Variants in ZNF154 observed in about 807,000 individuals in gnomAD.
ZNF154 encodes zinc finger protein 154 (pHZ-92).
ZNF154 carries 6 observed loss-of-function variants against 7.5 expected under a neutral mutation model. That is an observed-to-expected ratio of 0.80 (90% CI 0.44 to 1.57). The LOEUF is 1.57. Among genes scored for constraint, ZNF154 ranks in the 40% most tolerant of loss-of-function variants. The pLI, the probability that ZNF154 is intolerant of heterozygous loss-of-function variation, is 0.01. For missense variants in ZNF154, 485 were observed against 531.4 expected, an observed-to-expected ratio of 0.91 and a Z score of 0.86; for synonymous variants, 187 against 185.9, an observed-to-expected ratio of 1.01 and a Z score of -0.05.
At chr19:57,706,540 CCA>C (rs1985401554) in intron 1 of ZNF154, among the ~76,000 whole-genome samples, 1 of 152,214 alleles carries the variant, frequency 6.6e-6, no homozygotes, top group South Asian at 2.1e-4. Flanking sequence ...CCTGGTGATT[CCA>C]CAGAGTGCTG....
chr19:57,705,753 C>CAAA (rs34250674), intron 1 of ZNF154, among the ~76,000 whole-genome samples: 2 of 86,368 alleles, frequency 2.3e-5, no homozygotes, highest in Non-Finnish European at 4.9e-5. Flanking sequence ...GACTCCGTCT[C>CAAA]AAAAAAAAAA....
At position 57,701,816 on chromosome 19, in the gene ZNF154, ACT is replaced by A. The variant is rs1483271568; in HGVS notation, c.1131_1132del (p.Arg377SerfsTer9). Reference sequence around the variant, plus strand: ...CTCATAGGGTCTTGATCCAGTGTGAACTCTCTGGTGTTTTCGGAGACTGGAGC... The same window carrying A: ...CTCATAGGGTCTTGATCCAGTGTGAACTCTGGTGTTTTCGGAGACTGGAGC... On this transcript the variant is annotated frameshift_variant, in exon 3 of 3. Coordinates refer to ENST00000684351, the MANE Select transcript of ZNF154 (RefSeq NM_001085384.3). LOFTEE classifies it low-confidence loss of function (END_TRUNC). 3 of 1,613,986 alleles carry A rather than the reference ACT, an allele frequency of 1.9e-6. No homozygotes were observed. Among genetic ancestry groups the A allele is most frequent in the South Asian group, 1.1e-5 (1 of 91,076 alleles).
intron 2 of ZNF154, among the ~76,000 whole-genome samples, chr19:57,703,457 C>G (rs527449684): frequency 7.7e-6 from 1 of 129,416 alleles, no homozygotes; most frequent in South Asian, 2.4e-4. Flanking sequence ...TGTACTCCAG[C>G]CTGGGTGACA....
At position 57,709,119 on chromosome 19, in the gene ZNF154, C is replaced by T. The variant is rs576093247; in HGVS notation, c.-148G>A. The T allele has an allele frequency of 2.9e-6, 3 of 1,043,116 alleles. No homozygotes were observed. The highest frequency in any genetic ancestry group is 3.1e-4 in the Middle Eastern group (1 of 3,190). The allele number at this position is 1,043,116 out of a possible 1,614,324, so 64.6% of individuals were successfully genotyped here. A position where few individuals can be genotyped will look rare whatever the true frequency, so the allele number is the denominator to read the frequency against. The stretch of plus-strand genomic sequence containing the variant: ...CTTTCGTGCAGGAGGGACGACGACT[C>T]CCCTCACGCCTTCGTGGCCCCAACT... On this transcript the variant is annotated 5_prime_UTR_variant, in exon 1 of 3. Transcript: ENST00000684351.
rs1165911888 is a variant in ZNF154 at position 57,696,726 on chromosome 19, C to T, written c.*4909G>A. Among the ~76,000 whole-genome samples, 1 of 152,166 alleles carries T rather than the reference C, an allele frequency of 6.6e-6. No individual in the cohort carries two copies. The highest frequency in any genetic ancestry group is 2.4e-5 in the African/African-American group (1 of 41,432). ...CAGTGTTGAGGCAGAGTGGCAAAGACAAGAGACCCACAGCACCCAGGAAAT... is the reference window on the plus strand; with the variant it reads ...CAGTGTTGAGGCAGAGTGGCAAAGATAAGAGACCCACAGCACCCAGGAAAT... On this transcript the variant is annotated 3_prime_UTR_variant, in exon 3 of 3. Transcript: ENST00000684351.
chr19:57,697,357 A>T lies in ZNF154; in HGVS notation c.*4278T>A, dbSNP rs1984939198. The T allele has an allele frequency of 6.6e-6, 1 of 152,232 alleles. No homozygotes were observed. The highest frequency in any genetic ancestry group is 2.4e-5 in the African/African-American group (1 of 41,466). 9.4% of individuals were successfully genotyped at this position (152,232 alleles called of 1,614,324 possible). A position where few individuals can be genotyped will look rare whatever the true frequency, so the allele number is the denominator to read the frequency against. ...GTTAAACAATGTTAGAGATTCAATA[A>T]GCCACATCTAGAATACAGCAAATTC... On this transcript the variant is annotated 3_prime_UTR_variant, in exon 3 of 3. Transcript: ENST00000684351.
chr19:57,702,858 A>G (rs1985236366), intron 2 of ZNF154, 70 bp from the exon 3 acceptor site: 2 of 1,470,638 alleles, frequency 1.4e-6, no homozygotes, highest in Admixed American at 2.0e-5. Flanking sequence ...TGTGTCCCCT[A>G]GGGCCCAGCC....
rs559983245 is a variant in ZNF154, at chr19:57,704,094, C to G, written c.160+759G>C. The stretch of plus-strand genomic sequence containing the variant: ...ACTGCAGGTGTAGCAGTGAGAAAAA[C>G]AGATAAGATACGGAGTCCAGAGATG... On this transcript the variant is annotated intron_variant, in intron 2 of 2. Coordinates refer to ENST00000684351, the MANE Select transcript of ZNF154 (RefSeq NM_001085384.3). Among the ~76,000 whole-genome samples, 21 of 152,250 alleles carry G rather than the reference C, an allele frequency of 1.4e-4. No individual in the cohort carries two copies. In the South Asian group the frequency reaches 3.5e-3, roughly 26 times the overall value.
chr19:57,708,799 T>G, intron 1 of ZNF154, 140 bp downstream of exon 1: 1 of 1,111,956 alleles, frequency 9.0e-7, no homozygotes, highest in Non-Finnish European at 1.3e-6. Flanking sequence ...TCACACGCAG[T>G]GTCAAAAAAA....
At position 57,700,281 on chromosome 19, in the gene ZNF154, A is replaced by G. The variant is rs931048585; in HGVS notation, c.*1354T>C. 2 of 152,240 alleles carry G rather than the reference A, an allele frequency of 1.3e-5. No individual in the cohort carries two copies. The highest frequency in any genetic ancestry group is 4.8e-5 in the African/African-American group (2 of 41,460). The allele number at this position is 152,240 out of a possible 1,614,324, so 9.4% of individuals were successfully genotyped here. ...TCTCTATCCTTGTTTTCCTGCCTGC[A>G]TAGCAATGACCTTGAGGTGAAAATC... is the stretch of plus-strand genomic sequence containing the variant. On this transcript the variant is annotated 3_prime_UTR_variant, in exon 3 of 3. Coordinates refer to ENST00000684351, the MANE Select transcript of ZNF154 (RefSeq NM_001085384.3).
chr19:57,708,946 G>C lies in ZNF154; in HGVS notation c.26C>G (p.Pro9Arg). MAAATLRT[P>R]TQGTVTFEDV... ...GGAAGACGCCGCACTCACCTGAGTT[G>C]GCGTCCTCAGAGTGGCCGCTGCCAT... is the stretch of plus-strand genomic sequence containing the variant. Residue 9 changes from proline (P) to arginine (R), a missense_variant, in exon 1 of 3, where the codon CCA becomes CGA. Pro to Arg is a moderately radical substitution (Grantham distance 103, BLOSUM62 -2). Coordinates refer to ENST00000684351, the MANE Select transcript of ZNF154 (RefSeq NM_001085384.3). The C allele has an allele frequency of 6.4e-7, 1 of 1,561,150 alleles. No individual in the cohort carries two copies. The highest frequency in any genetic ancestry group is 8.7e-7 in the Non-Finnish European group (1 of 1,153,204).
rs1600041865 is a variant in ZNF154, at chr19:57,709,139, C to G, written c.-168G>C. Reference sequence around the variant, plus strand: ...CGACTCCCCTCACGCCTTCGTGGCCCCAACTCGGCGCTCTGCTATCTCTGA... The same window carrying G: ...CGACTCCCCTCACGCCTTCGTGGCCGCAACTCGGCGCTCTGCTATCTCTGA... On this transcript the variant is annotated 5_prime_UTR_variant, in exon 1 of 3. Coordinates refer to ENST00000684351, the MANE Select transcript of ZNF154 (RefSeq NM_001085384.3). 2 of 862,822 alleles carry G rather than the reference C, an allele frequency of 2.3e-6. No individual in the cohort carries two copies. Among genetic ancestry groups the G allele is most frequent in the South Asian group, 1.6e-5 (1 of 61,210 alleles). 53.4% of individuals were successfully genotyped at this position (862,822 alleles called of 1,614,324 possible).
Position 57,697,017 on chromosome 19 carries a change from G to A in ZNF154, c.*4618C>T, listed in dbSNP as rs1984921835. On this transcript the variant is annotated 3_prime_UTR_variant, in exon 3 of 3. Coordinates refer to ENST00000684351, the MANE Select transcript of ZNF154 (RefSeq NM_001085384.3). The stretch of plus-strand genomic sequence containing the variant: ...CATCACCTGTTAGGATGAACTATGT[G>A]TGACAAATGGTGCTGTCAAATTCGT... Among the ~76,000 whole-genome samples, 1 of 152,204 alleles carries A rather than the reference G, an allele frequency of 6.6e-6. No individual in the cohort carries two copies. The highest frequency in any genetic ancestry group is 1.5e-5 in the Non-Finnish European group (1 of 68,038).
intron 2 of ZNF154, among the ~76,000 whole-genome samples, chr19:57,703,983 TGGGTGACA>T (rs1287445335): frequency 6.6e-6 from 1 of 152,120 alleles, no homozygotes; most frequent in Non-Finnish European, 1.5e-5. Flanking sequence ...CACTCCAGCC[TGGGTGACA>T]GAGTGAGACT....
chr19:57,706,300 C>T (rs548324644), intron 1 of ZNF154, among the ~76,000 whole-genome samples: 4 of 152,266 alleles, frequency 2.6e-5, no homozygotes, highest in Middle Eastern at 6.8e-3. Context: ...ATTTAGGCCA[C>T]ACAGAACCAC....
rs764432659 is a variant in ZNF154, at chr19:57,702,460, G to A, written c.489C>T (p.Cys163=). The A allele has an allele frequency of 6.2e-7, 1 of 1,614,228 alleles. No individual in the cohort carries two copies. Residue 163 remains cysteine (C), a synonymous_variant, in exon 3 of 3, where the codon TGC becomes TGT. Coordinates refer to ENST00000684351, the MANE Select transcript of ZNF154 (RefSeq NM_001085384.3). ...RTLTTERCYI[C]SECGKSFSKS... ...TGCTAAAGGATTTCCCACATTCACT[G>A]CATATGTAACATCTTTCTGTAGTGA... is the stretch of plus-strand genomic sequence containing the variant.
intron 1 of ZNF154, among the ~76,000 whole-genome samples, chr19:57,705,731 G>A (rs762686991): frequency 6.7e-6 from 1 of 149,874 alleles, no homozygotes; most frequent in Non-Finnish European, 1.5e-5. Flanking sequence ...TCCAGTCTGG[G>A]CGACAGAGCG....
intron 1 of ZNF154, among the ~76,000 whole-genome samples, chr19:57,706,039 G>T (rs372824063): frequency 2.3e-4 from 35 of 152,242 alleles, no homozygotes; most frequent in African/African-American, 8.2e-4. Context: ...TGATTAAAAG[G>T]GTTGTCTGTT....
Position 57,704,837 on chromosome 19 carries a change from G to C in ZNF154, c.160+16C>G, listed in dbSNP as rs755386685. ...CAGACTAGCTCAGGGCACAGGAAAG[G>C]GTAAAAGAACCTTACCTAGAGAGGT... On this transcript the variant is annotated intron_variant, in intron 2 of 2. Coordinates refer to ENST00000684351, the MANE Select transcript of ZNF154 (RefSeq NM_001085384.3). The C allele has an allele frequency of 1.7e-5, 27 of 1,608,322 alleles. No individual in the cohort carries two copies. The highest frequency in any genetic ancestry group is 2.3e-5 in the Non-Finnish European group (27 of 1,178,314).
Sources: allele counts gnomAD v4.1 joint callset (sites outside exome capture counted in the v4.1 genomes callset), GRCh38; gene constraint gnomAD v4.1.1; transcripts MANE v1.5; gene names NCBI Gene and HGNC (gene_info 2026-07-23, HGNC 2026-07-21).